The following KLHL7 variants were observed in gnomAD, a reference collection of about 807,000 sequenced individuals.
KLHL7 encodes kelch-like protein 7.
Under a neutral mutation model 67.4 loss-of-function variants are expected in KLHL7, and 44 were observed. The observed-to-expected ratio is 0.65, with a 90% CI of 0.51 to 0.84. KLHL7 has a LOEUF of 0.84. Ranked by LOEUF, KLHL7 falls within the 40% of genes least tolerant of loss-of-function variation. The probability of loss-of-function intolerance (pLI) is 0.00; values close to 1 mark genes in which losing one functional copy is unlikely to be tolerated. For synonymous variants in KLHL7, 252 were observed against 243.3 expected (o/e 1.04, Z -0.33); for missense variants, 362 against 718.1 (o/e 0.50, Z 5.67).
intron 1 of KLHL7, among the ~76,000 whole-genome samples, chr7:23,111,043 A>C (rs994864075): frequency 5.0e-4 from 76 of 152,284 alleles, no homozygotes; most frequent in African/African-American, 1.8e-3. Flanking sequence ...TTTATAGGCT[A>C]GTAGAAAAGC....
intron 1 of KLHL7, among the ~76,000 whole-genome samples, chr7:23,115,667 C>T (rs570753831): frequency 1.3e-5 from 2 of 152,092 alleles, no homozygotes; most frequent in African/African-American, 4.8e-5. Context: ...CCTCAGCCTC[C>T]CGAGCAGCTG....
chr7:23,113,552 C>G (rs888082584), intron 1 of KLHL7, among the ~76,000 whole-genome samples: 4 of 152,284 alleles, frequency 2.6e-5, no homozygotes. Context: ...GGAGCCAGGC[C>G]GGGCACAGTG....
chr7:23,117,368 C>G (rs759927008), intron 1 of KLHL7, among the ~76,000 whole-genome samples: 4 of 151,760 alleles, frequency 2.6e-5, no homozygotes, highest in Non-Finnish European at 5.9e-5. Context: ...CCAGGCCTTT[C>G]TGAGAGAACT....
rs527527107 is a variant in KLHL7, at chr7:23,156,261, C to G, written c.936+4052C>G. On this transcript the variant is annotated intron_variant, in intron 7 of 10. Transcript: ENST00000339077. ...GTTATAGCAAAGAAAAATCTTTTTTCTGAATATTGACAGAAAAAGAAGTCT... is the reference window on the plus strand; with the variant it reads ...GTTATAGCAAAGAAAAATCTTTTTTGTGAATATTGACAGAAAAAGAAGTCT... 2.1e-4 allele frequency: 40 copies of G among 194,152 alleles called. 2 individuals carry two copies. In the South Asian group the frequency reaches 2.9e-3, roughly 14 times the overall value. The allele number at this position is 194,152 out of a possible 1,614,324, so 12.0% of individuals were successfully genotyped here.
chr7:23,110,817 C>T (rs763398660), intron 1 of KLHL7, among the ~76,000 whole-genome samples: 1 of 136,222 alleles, frequency 7.3e-6, no homozygotes, highest in African/African-American at 3.0e-5. Flanking sequence ...TTCCTGTGTC[C>T]GTGTGTTCTC....
At chr7:23,150,590 C>A (rs998631353) in intron 6 of KLHL7, among the ~76,000 whole-genome samples, 1 of 152,034 alleles carries the variant, frequency 6.6e-6, no homozygotes, top group Non-Finnish European at 1.5e-5. Flanking sequence ...AATTTTTTAA[C>A]CACTTCCCTA....
chr7:23,139,913 T>A (rs1380995499), intron 4 of KLHL7, among the ~76,000 whole-genome samples: 1 of 151,986 alleles, frequency 6.6e-6, no homozygotes, highest in Non-Finnish European at 1.5e-5. Flanking sequence ...TCTTTTTTTT[T>A]TTTTCCTTAA....
intron 1 of KLHL7, chr7:23,106,369 A>G (rs1484875235): frequency 2.2e-6 from 3 of 1,387,066 alleles, no homozygotes; most frequent in Non-Finnish European, 2.8e-6. Flanking sequence ...GTAGCTCCCA[A>G]GTCAGACTCC....
chr7:23,133,294 T>G (rs1280033520), intron 4 of KLHL7, among the ~76,000 whole-genome samples: 1 of 152,190 alleles, frequency 6.6e-6, no homozygotes, highest in Non-Finnish European at 1.5e-5. Flanking sequence ...TTTCCCACTT[T>G]TTGGTGTCTT....
intron 9 of KLHL7, chr7:23,171,167 A>G: frequency 2.8e-6 from 1 of 357,914 alleles, no homozygotes; most frequent in South Asian, 2.1e-5. Context: ...GGCCTCCCAA[A>G]GTGCTGGGAT....
At chr7:23,108,979 C>T (rs1038200961) in intron 1 of KLHL7, among the ~76,000 whole-genome samples, 1 of 152,198 alleles carries the variant, frequency 6.6e-6, no homozygotes, top group Non-Finnish European at 1.5e-5. Context: ...ACTAGTACTA[C>T]TTTGAACATT....
At chr7:23,116,195 G>T (rs1409911648) in intron 1 of KLHL7, among the ~76,000 whole-genome samples, 1 of 152,164 alleles carries the variant, frequency 6.6e-6, no homozygotes, top group Non-Finnish European at 1.5e-5. Flanking sequence ...GAAATTCCTT[G>T]TATCTATGAA....
intron 7 of KLHL7, among the ~76,000 whole-genome samples, chr7:23,156,427 T>C (rs1784709208): frequency 6.6e-6 from 1 of 152,238 alleles, no homozygotes; most frequent in African/African-American, 2.4e-5. Flanking sequence ...TATTCAGTGT[T>C]CTATTTATCC....
At chr7:23,154,355 AAAAC>A (rs60259769) in intron 7 of KLHL7, among the ~76,000 whole-genome samples, 2 of 150,876 alleles carry the variant, frequency 1.3e-5, no homozygotes, top group Non-Finnish European at 2.9e-5. Flanking sequence ...ACTATGTCTC[AAAAC>A]AAACAAACAA....
intron 1 of KLHL7, chr7:23,117,882 G>A (rs1324877692): frequency 3.1e-6 from 5 of 1,613,732 alleles, no homozygotes; most frequent in Non-Finnish European, 4.2e-6. Flanking sequence ...ATCTGCTCAG[G>A]GATTTATACT....
At chr7:23,107,801 A>G (rs1369576469) in intron 1 of KLHL7, among the ~76,000 whole-genome samples, 5 of 152,242 alleles carry the variant, frequency 3.3e-5, no homozygotes, top group South Asian at 2.1e-4. Context: ...GTGGTTTGGC[A>G]TGTGATTCAA....
intron 6 of KLHL7, among the ~76,000 whole-genome samples, chr7:23,147,121 TCG>T (rs372936277): frequency 1.2e-3 from 181 of 149,348 alleles, no homozygotes; most frequent in African/African-American, 3.9e-3. Flanking sequence ...TTAGACAGTC[TCG>T]CTGGCTTCCA....
chr7:23,152,718 G>A (rs10268230), intron 7 of KLHL7, among the ~76,000 whole-genome samples: 4,007 of 151,996 alleles, frequency 0.026, 176 homozygotes, highest in African/African-American at 0.091. Context: ...ATATCATGCC[G>A]ACCAACTGGG....
At chr7:23,117,519 C>T (rs1367628895) in intron 1 of KLHL7, among the ~76,000 whole-genome samples, 1 of 152,140 alleles carries the variant, frequency 6.6e-6, no homozygotes, top group Non-Finnish European at 1.5e-5. Flanking sequence ...GTCTCCTTTC[C>T]TTTGCAAAGC....
Sources: gnomAD v4.1 joint callset for allele counts (sites outside exome capture counted in the v4.1 genomes callset) on GRCh38, gnomAD v4.1.1 for gene constraint, MANE v1.5 for transcripts, NCBI Gene and HGNC (gene_info 2026-07-23, HGNC 2026-07-21) for gene names.